Variants in ANO3 observed in about 807,000 individuals in gnomAD.
ANO3 encodes anoctamin-3.
In ANO3, 99 loss-of-function variants were observed where a neutral mutation model predicts 144.8. The ratio of observed to expected loss-of-function variants is 0.68; its 90% CI spans 0.58 to 0.81. The LOEUF (loss-of-function observed/expected upper bound fraction) is 0.81, where lower values mean the gene tolerates loss of function less well. Ranked by LOEUF, ANO3 falls within the 30% of genes least tolerant of loss-of-function variation. ANO3 has a pLI of 0.00. For missense variants in ANO3, 905 were observed against 1,202.2 expected (o/e 0.75, Z 3.66); for synonymous variants, 414 against 392.6 (o/e 1.05, Z -0.64).
intron 1 of ANO3, among the ~76,000 whole-genome samples, chr11:26,430,247 T>TAAAAAAAAAAA (rs11439260): frequency 6.9e-6 from 1 of 144,966 alleles, no homozygotes; most frequent in Non-Finnish European, 1.5e-5. Context: ...AGCAACTGTC[T>TAAAAAAAAAAA]AAAAAAAAAA....
At chr11:26,542,258 A>G (rs769651408) in intron 11 of ANO3, among the ~76,000 whole-genome samples, 190 bp downstream of exon 11, 1 of 152,160 alleles carries the variant, frequency 6.6e-6, no homozygotes, top group Non-Finnish European at 1.5e-5. Context: ...CTGAGAAATC[A>G]AACAGGCTTT....
intron 5 of ANO3, among the ~76,000 whole-genome samples, chr11:26,514,322 T>G (rs1301482897): frequency 6.6e-6 from 1 of 152,084 alleles, no homozygotes; most frequent in Non-Finnish European, 1.5e-5. Context: ...CATCATCATT[T>G]TGGGTAGTTT....
Position 26,197,299 on chromosome 11 carries a change from T to TCTGTA in ANO3, c.154+7970_154+7974dup, listed in dbSNP as rs562571414. 7.2e-5 allele frequency among the ~76,000 whole-genome samples: 11 copies of TCTGTA among 152,284 alleles called. No homozygotes were observed. In the South Asian group the frequency reaches 1.9e-3, roughly 26 times the overall value. ...GGAAGGTTCGCAATAGAAAACACTG[T>TCTGTA]CTGTATTGAATGAAATTAAACTATA... is the stretch of plus-strand genomic sequence containing the variant. On this transcript the variant is annotated intron_variant, in intron 1 of 27. Transcript: ENST00000672621.
intron 14 of ANO3, among the ~76,000 whole-genome samples, chr11:26,593,381 T>C (rs539821349): frequency 9.2e-5 from 14 of 152,234 alleles, no homozygotes; most frequent in South Asian, 4.1e-4. Context: ...CACAACTTAG[T>C]GTCTGGGAGA....
chr11:26,221,767 G>C (rs1174586403), intron 1 of ANO3, among the ~76,000 whole-genome samples: 1 of 152,100 alleles, frequency 6.6e-6, no homozygotes, highest in Non-Finnish European at 1.5e-5. Context: ...GAGAGGAAAG[G>C]GGGAGGTGCC....
rs915322880 is a variant in ANO3 at position 26,509,665 on chromosome 11, GA to G, written c.591+1412del. ...AAAAAATAGGAGCAACAAGGTAAAG[GA>G]AAAAAAAACTGTTTTTGATGAAATA... is the stretch of plus-strand genomic sequence containing the variant. On this transcript the variant is annotated intron_variant, in intron 5 of 26. Transcript: ENST00000256737. Among the ~76,000 whole-genome samples the G allele has an allele frequency of 4.6e-4, 69 of 149,744 alleles. 1 individual carries two copies. Among genetic ancestry groups the G allele is most frequent in the South Asian group, 2.8e-3 (13 of 4,702 alleles).
chr11:26,568,109 C>G (rs771319816), intron 14 of ANO3, among the ~76,000 whole-genome samples: 9 of 151,992 alleles, frequency 5.9e-5, no homozygotes, highest in Non-Finnish European at 1.0e-4. Context: ...ATATTTCATT[C>G]ACTTTTCTGT....
chr11:26,629,414 C>G (rs938079963), intron 18 of ANO3, among the ~76,000 whole-genome samples: 2 of 151,992 alleles, frequency 1.3e-5, no homozygotes, highest in Non-Finnish European at 1.5e-5. Context: ...ATCTATCTAT[C>G]TATCTACTTT....
In ANO3 at chr11:26,449,948, G is replaced by A. The variant is rs1022024587; in HGVS notation, c.313+6112G>A. On this transcript the variant is annotated intron_variant, in intron 3 of 26. Coordinates refer to ENST00000256737, the MANE Select transcript of ANO3 (RefSeq NM_031418.4). ...TTTTGGTATTTTTAGTAGAGATGGG[G>A]TTTTACCATGTTGGGCAGGCTGGTC... Among the ~76,000 whole-genome samples, 5 of 151,906 alleles carry A rather than the reference G, an allele frequency of 3.3e-5. No homozygotes were observed. In the South Asian group the frequency reaches 1.0e-3, roughly 32 times the overall value.
At chr11:26,480,103 A>C (rs1360660983) in intron 4 of ANO3, among the ~76,000 whole-genome samples, 1 of 152,210 alleles carries the variant, frequency 6.6e-6, no homozygotes, top group Non-Finnish European at 1.5e-5. Context: ...CTGTAGAAGG[A>C]GTACAAGTCT....
chr11:26,643,583 C>G (rs1172791633), intron 23 of ANO3, among the ~76,000 whole-genome samples: 1 of 151,998 alleles, frequency 6.6e-6, no homozygotes, highest in Admixed American at 6.6e-5. Context: ...TGGAGAAACC[C>G]TGTCTCTACT....
intron 1 of ANO3, among the ~76,000 whole-genome samples, chr11:26,403,410 A>G (rs1031206655): frequency 6.6e-6 from 1 of 151,952 alleles, no homozygotes; most frequent in African/African-American, 2.4e-5. Flanking sequence ...ATATATACAA[A>G]GCCAAATAAA....
intron 1 of ANO3, among the ~76,000 whole-genome samples, chr11:26,385,207 A>G (rs548098517): frequency 6.6e-6 from 1 of 152,354 alleles, no homozygotes; most frequent in East Asian, 1.9e-4. Flanking sequence ...AACAGATAAA[A>G]TAAGCATATT....
chr11:26,389,530 G>A (rs1219154758), intron 1 of ANO3, among the ~76,000 whole-genome samples: 1 of 151,898 alleles, frequency 6.6e-6, no homozygotes, highest in Admixed American at 6.6e-5. Flanking sequence ...AATGTGATCT[G>A]CTCATTTTCA....
intron 1 of ANO3, among the ~76,000 whole-genome samples, chr11:26,409,244 A>G (rs1281604500): frequency 6.6e-6 from 1 of 151,574 alleles, no homozygotes; most frequent in Non-Finnish European, 1.5e-5. Context: ...ATACTTACAC[A>G]CTCCAGGGCT....
In ANO3 at chr11:26,414,757, T is replaced by TAA. The variant is rs763202737; in HGVS notation, c.47-27161_47-27160insAA. 3.2e-3 allele frequency among the ~76,000 whole-genome samples: 258 copies of TAA among 79,598 alleles called. 5 individuals are homozygous for TAA. The highest frequency in any genetic ancestry group is 0.019 in the East Asian group (52 of 2,672). The allele number at this position is 79,598 out of a possible 152,430, so 52.2% of individuals were successfully genotyped here. On this transcript the variant is annotated intron_variant, in intron 1 of 26. Coordinates refer to ENST00000256737, the MANE Select transcript of ANO3 (RefSeq NM_031418.4). ...ATGTATACAGGAACTTACAGTAAAGTTAAAAAAAAAAAAAAAAAGAAAGAA... is the reference window on the plus strand; with the variant it reads ...ATGTATACAGGAACTTACAGTAAAGTAATAAAAAAAAAAAAAAAAAGAAAGAA...
rs61746297 is a variant in ANO3 at position 26,442,035 on chromosome 11, C to T, written c.164C>T (p.Ser55Phe). 11,796 of 1,614,172 alleles carry T rather than the reference C, an allele frequency of 7.3e-3. 62 individuals carry two copies. The highest frequency in any genetic ancestry group is 8.8e-3 in the Non-Finnish European group (10,424 of 1,180,008). ...AYSKSLSQST[S>F]LFQSTESESQ... ...TCAAAGAGCTTGAGCCAGTCTACTT[C>T]CCTCTTCCAGTCAACCGAGAGTGAA... Residue 55 changes from serine to phenylalanine, a missense_variant, in exon 2 of 27, where the codon TCC becomes TTC. By Grantham distance (155) the Ser-to-Phe change is radical. Coordinates refer to ENST00000256737, the MANE Select transcript of ANO3 (RefSeq NM_031418.4).
At chr11:26,637,784 T>TATG (rs1853010679) in intron 20 of ANO3, among the ~76,000 whole-genome samples, 7 of 152,148 alleles carry the variant, frequency 4.6e-5, no homozygotes, top group African/African-American at 1.7e-4. Flanking sequence ...TGTGTCTTAT[T>TATG]TGTTCTCTTT....
rs545654406 is a variant in ANO3, at chr11:26,313,203, G to A, written c.-3+3484G>A. On this transcript the variant is annotated intron_variant, in intron 1 of 26. Transcript: ENST00000525139. ...TCAATAGAGTGTCTTCTTTTCTTAG[G>A]ACATGTGTCCATTCATTTATTCATT... Among the ~76,000 whole-genome samples, 304 of 152,212 alleles carry A rather than the reference G, an allele frequency of 2.0e-3. 3 individuals carry two copies. Among genetic ancestry groups the A allele is most frequent in the African/African-American group, 7.1e-3 (294 of 41,530 alleles).
Sources: allele counts gnomAD v4.1 joint callset (sites outside exome capture counted in the v4.1 genomes callset), GRCh38; gene constraint gnomAD v4.1.1; transcripts MANE v1.5; gene names NCBI Gene and HGNC (gene_info 2026-07-23, HGNC 2026-07-21).